CACNA2D1: variants seen among roughly 807,000 people sequenced by gnomAD.
CACNA2D1 encodes the protein calcium voltage-gated channel auxiliary subunit alpha2delta 1.
Under a neutral mutation model 171.5 loss-of-function variants are expected in CACNA2D1, and 53 were observed. The observed-to-expected ratio is 0.31, with a 90% CI of 0.25 to 0.39. CACNA2D1 has a LOEUF of 0.39. Ranked by LOEUF, CACNA2D1 falls within the 10% of genes least tolerant of loss-of-function variation. The pLI is 1.00. For synonymous variants in CACNA2D1, 442 were observed against 443.1 expected, an observed-to-expected ratio of 1.00 and a Z score of 0.03; for missense variants, 903 against 1,299.8, an observed-to-expected ratio of 0.69 and a Z score of 4.69.
At chr7:82,180,382 C>G (rs147609894) in intron 3 of CACNA2D1, among the ~76,000 whole-genome samples, 1 of 152,128 alleles carries the variant, frequency 6.6e-6, no homozygotes, top group Non-Finnish European at 1.5e-5. Flanking sequence ...TCCAGAGATA[C>G]TGATGCGAAC....
In CACNA2D1 at chr7:82,014,496, A is replaced by ATAGG; in HGVS notation, c.1144-21_1144-18dup. On this transcript the variant is annotated splice_polypyrimidine_tract_variant and intron_variant, in intron 12 of 38. Transcript: ENST00000356860. ...TACACGTACCTGGATGAATTGAAAA[A>ATAGG]TAGGTATTCATTAGGCTGAATAAAA... 1 of 1,350,574 alleles carries ATAGG rather than the reference A, an allele frequency of 7.4e-7. No individual in the cohort carries two copies. Among genetic ancestry groups the ATAGG allele is most frequent in the East Asian group, 2.3e-5 (1 of 43,572 alleles). The allele number at this position is 1,350,574 out of a possible 1,614,324, so 83.7% of individuals were successfully genotyped here.
At chr7:82,091,984 A>C (rs748259452) in intron 6 of CACNA2D1, among the ~76,000 whole-genome samples, 1 of 152,238 alleles carries the variant, frequency 6.6e-6, no homozygotes, top group Non-Finnish European at 1.5e-5. Flanking sequence ...ATTAGCAAGC[A>C]TATTTTTATT....
At chr7:82,048,203 T>G (rs372626668) in intron 10 of CACNA2D1, among the ~76,000 whole-genome samples, 45 of 152,216 alleles carry the variant, frequency 3.0e-4, no homozygotes, top group African/African-American at 1.1e-3. Context: ...TTAACTCAGT[T>G]CCACTGAGAC....
intron 6 of CACNA2D1, among the ~76,000 whole-genome samples, chr7:82,113,978 A>G (rs1186798554): frequency 1.3e-5 from 2 of 152,188 alleles, no homozygotes; most frequent in Non-Finnish European, 2.9e-5. Context: ...ATTATGACAT[A>G]TCCCAAAGAA....
chr7:82,170,667 T>C (rs761338215), intron 3 of CACNA2D1, 58 bp from the exon 4 acceptor site: 7 of 1,467,136 alleles, frequency 4.8e-6, no homozygotes, highest in African/African-American at 1.4e-5. Flanking sequence ...GGAATTGTTA[T>C]ATAAAATGCT....
intron 1 of CACNA2D1, among the ~76,000 whole-genome samples, chr7:82,358,701 C>A (rs1044000120): frequency 6.6e-6 from 1 of 150,824 alleles, no homozygotes; most frequent in African/African-American, 2.4e-5. Context: ...TGTGTGTGTG[C>A]GTGCATCTGT....
Position 81,965,701 on chromosome 7 carries a change from G to C in CACNA2D1, c.2503-36C>G. Reference sequence around the variant, plus strand: ...AAAGTGAACAGTTAACACATTTTTAGAAAGGTTAGGAGGCTGCATTGTCTT... The same window carrying C: ...AAAGTGAACAGTTAACACATTTTTACAAAGGTTAGGAGGCTGCATTGTCTT... On this transcript the variant is annotated intron_variant, in intron 31 of 38. Coordinates refer to ENST00000356860, the MANE Select transcript of CACNA2D1 (RefSeq NM_000722.4). 3 of 1,261,434 alleles carry C rather than the reference G, an allele frequency of 2.4e-6. No homozygotes were observed. The East Asian group carries it at 7.0e-5, about 29-fold the overall frequency. The allele number at this position is 1,261,434 out of a possible 1,614,324, so 78.1% of individuals were successfully genotyped here. A position where few individuals can be genotyped will look rare whatever the true frequency, so the allele number is the denominator to read the frequency against.
intron 4 of CACNA2D1, among the ~76,000 whole-genome samples, chr7:82,138,426 GTT>G (rs1159205363): frequency 1.2e-4 from 12 of 101,318 alleles, no homozygotes; most frequent in Admixed American, 6.7e-4. Context: ...TATAGCATTA[GTT>G]TTGTTTTTTT....
chr7:82,171,746 T>C (rs938052821), intron 3 of CACNA2D1, among the ~76,000 whole-genome samples: 3 of 152,112 alleles, frequency 2.0e-5, no homozygotes, highest in African/African-American at 7.2e-5. Flanking sequence ...AAGATAGTGA[T>C]AAAACTGAGC....
intron 3 of CACNA2D1, among the ~76,000 whole-genome samples, chr7:82,249,872 A>T (rs1805415116): frequency 6.6e-6 from 1 of 152,208 alleles, no homozygotes; most frequent in Admixed American, 6.5e-5. Flanking sequence ...AGTTTTGAGA[A>T]GGGGGGAAAT....
intron 10 of CACNA2D1, among the ~76,000 whole-genome samples, chr7:82,059,427 T>A (rs887588275): frequency 2.6e-5 from 4 of 152,194 alleles, no homozygotes; most frequent in African/African-American, 9.6e-5. Context: ...AAGAAAAACA[T>A]ACTATAAAAA....
chr7:82,296,832 A>T (rs73164269), intron 3 of CACNA2D1, among the ~76,000 whole-genome samples: 23,526 of 152,008 alleles, frequency 0.15, 2,209 homozygotes, highest in South Asian at 0.27. Flanking sequence ...ATAAGAATCT[A>T]TGAGATTTAA....
At chr7:81,961,662 A>C (rs1794134637) in intron 36 of CACNA2D1, among the ~76,000 whole-genome samples, 1 of 152,016 alleles carries the variant, frequency 6.6e-6, no homozygotes, top group Non-Finnish European at 1.5e-5. Flanking sequence ...TAGTTGAAGA[A>C]ATAACAGCTT....
intron 4 of CACNA2D1, among the ~76,000 whole-genome samples, chr7:82,152,070 G>A (rs1441254957): frequency 6.6e-6 from 1 of 151,922 alleles, no homozygotes; most frequent in African/African-American, 2.4e-5. Flanking sequence ...TTATATCTAA[G>A]CTTTATATTC....
Position 81,997,166 on chromosome 7 carries a change from T to C in CACNA2D1, c.1662+13A>G. 6.7e-7 allele frequency: 1 copy of C among 1,499,890 alleles called. No individual in the cohort carries two copies. The highest frequency in any genetic ancestry group is 1.4e-5 in the African/African-American group (1 of 72,790). The allele number at this position is 1,499,890 out of a possible 1,614,324, so 92.9% of individuals were successfully genotyped here. A position where few individuals can be genotyped will look rare whatever the true frequency, so the allele number is the denominator to read the frequency against. Reference sequence around the variant, plus strand: ...GACCTGAGGAATTGTTTAGTCTTACTGATTCCACTCACCTCCACTTTAATA... The same window carrying C: ...GACCTGAGGAATTGTTTAGTCTTACCGATTCCACTCACCTCCACTTTAATA... On this transcript the variant is annotated intron_variant, in intron 19 of 38. Transcript: ENST00000356860.
At chr7:82,072,134 A>G (rs953968138) in intron 7 of CACNA2D1, among the ~76,000 whole-genome samples, 19 of 152,260 alleles carry the variant, frequency 1.2e-4, no homozygotes, top group Middle Eastern at 3.4e-3. Flanking sequence ...ACTTTTCTCA[A>G]TCATGCCAAC....
At position 82,213,309 on chromosome 7, in the gene CACNA2D1, A is replaced by C. The variant is rs902742203; in HGVS notation, c.295-42700T>G. On this transcript the variant is annotated intron_variant, in intron 3 of 38. Transcript: ENST00000356860. Reference sequence around the variant, plus strand: ...AAAAAATATTTACACACACACAAACAAAAAGAGAGACAACCTCTTGAGGAG... The same window carrying C: ...AAAAAATATTTACACACACACAAACCAAAAGAGAGACAACCTCTTGAGGAG... Among the ~76,000 whole-genome samples the C allele has an allele frequency of 1.3e-5, 2 of 152,196 alleles. 1 individual carries two copies. Among genetic ancestry groups the C allele is most frequent in the Non-Finnish European group, 2.9e-5 (2 of 68,040 alleles).
chr7:82,109,561 G>A (rs1220910938), intron 6 of CACNA2D1, among the ~76,000 whole-genome samples: 1 of 152,104 alleles, frequency 6.6e-6, no homozygotes, highest in Non-Finnish European at 1.5e-5. Context: ...TTGGTTGAAA[G>A]CCTGTTTTGA....
intron 7 of CACNA2D1, among the ~76,000 whole-genome samples, chr7:82,079,094 A>G (rs1040989567): frequency 6.6e-6 from 1 of 152,158 alleles, no homozygotes; most frequent in Non-Finnish European, 1.5e-5. Context: ...AGGTACCTTT[A>G]TATTACGCTA....
Sources: allele counts gnomAD v4.1 joint callset (sites outside exome capture counted in the v4.1 genomes callset), GRCh38; gene constraint gnomAD v4.1.1; transcripts MANE v1.5; gene names NCBI Gene and HGNC (gene_info 2026-07-23, HGNC 2026-07-21).